ASIC3: variants seen among roughly 807,000 people sequenced by gnomAD.
The protein encoded by ASIC3 is acid sensing ion channel subunit 3.
Under a neutral mutation model 58.6 loss-of-function variants are expected in ASIC3, and 46 were observed. The observed-to-expected ratio is 0.79, with a 90% CI of 0.62 to 1.00. The LOEUF is 1.00. ASIC3 is among the 50% of genes least tolerant of loss of function. The pLI is 0.00. For synonymous variants in ASIC3, 336 were observed against 300.2 expected (o/e 1.12, Z -1.23); for missense variants, 770 against 735.0 (o/e 1.05, Z -0.55).
Position 151,052,146 on chromosome 7 carries a change from C to G in ASIC3, c.1387-20C>G. ...GGGGGAAGGTGTGCACTGGCCACCT[C>G]CCATCCTGCTTGCCTCCAGGTGTTC... On this transcript the variant is annotated intron_variant, in intron 8 of 10. Coordinates refer to ENST00000349064, the MANE Select transcript of ASIC3 (RefSeq NM_004769.4). The surrounding 1 kb of genome is among the most constrained non-coding windows in gnomAD (Gnocchi z 5.0). The G allele has an allele frequency of 6.2e-7, 1 of 1,613,940 alleles. No individual in the cohort carries two copies. Among genetic ancestry groups the G allele is most frequent in the Non-Finnish European group, 8.5e-7 (1 of 1,179,922 alleles).
chr7:151,049,061 A>G lies in ASIC3; in HGVS notation c.176A>G (p.Gln59Arg), dbSNP rs1482508775. The change falls in exon 1 of 11, where the codon CAG becomes CGG. Residue 59 changes from glutamine (Q) to arginine (R), a missense_variant. Physicochemically the swap from Gln to Arg is conservative, Grantham distance 43. Transcript: ENST00000349064. ...CTGTCAGTGGCCACCTTCCTCTACC[A>G]GGTGGCTGAGAGGGTGCGCTACTAC... Reference protein sequence around the residue: ...VVLSVATFLYQVAERVRYYRE... With the variant: ...VVLSVATFLYRVAERVRYYRE... 2 of 1,613,162 alleles carry G rather than the reference A, an allele frequency of 1.2e-6. No homozygotes were observed. Among genetic ancestry groups the G allele is most frequent in the South Asian group, 2.2e-5 (2 of 91,088 alleles).
chr7:151,050,904 A>T lies in ASIC3; in HGVS notation c.960A>T (p.Glu320Asp), dbSNP rs768764308. 1 of 1,613,498 alleles carries T rather than the reference A, an allele frequency of 6.2e-7. No homozygotes were observed. Among genetic ancestry groups the T allele is most frequent in the South Asian group, 1.1e-5 (1 of 91,086 alleles). ...YTLMGCRLACETRYVARKCGC... is the reference protein window; with the variant it reads ...YTLMGCRLACDTRYVARKCGC... ...TTATGGGGTGTCGCCTGGCCTGCGA[A>T]ACCCGCTACGTGGCTCGGAAGTGCG... Residue 320 changes from glutamate (E) to aspartate (D), a missense_variant, in exon 4 of 11, where the codon GAA becomes GAT. Physicochemically the swap from Glu to Asp is conservative, Grantham distance 45. Transcript: ENST00000349064.
rs144198212 is a variant in ASIC3 at position 151,052,641 on chromosome 7, A to T, written c.1585A>T (p.Thr529Ser). ...SASHRTCYLV[T>S]QL ...CTCCCACCGCACCTGCTACCTTGTC[A>T]CACAGCTCTAGACCTGCTGTCTGTG... The change falls in exon 11 of 11, where the codon ACA (threonine) becomes TCA (serine). Residue 529 changes from threonine to serine, a missense_variant. By Grantham distance (58) the Thr-to-Ser change is moderately conservative. Transcript: ENST00000349064. The surrounding 1 kb of genome is among the most constrained non-coding windows in gnomAD (Gnocchi z 5.0). 347 of 1,613,214 alleles carry T rather than the reference A, an allele frequency of 2.2e-4. 1 individual carries two copies. Among genetic ancestry groups the T allele is most frequent in the Non-Finnish European group, 2.8e-4 (334 of 1,179,834 alleles).
chr7:151,049,991 G>A, intron 1 of ASIC3, 115 bp from the exon 2 acceptor site: 1 of 1,386,872 alleles, frequency 7.2e-7, no homozygotes, highest in African/African-American at 1.4e-5. Flanking sequence ...GGGGCATTGA[G>A]ATGCGGGCTT....
chr7:151,050,125 A>G lies in ASIC3; in HGVS notation c.554A>G (p.Lys185Arg), dbSNP rs1474358567. ...NFTTIFTRMG[K>R]CYTFNSGADG... ...CCCCAGATCTTCACCCGGATGGGAA[A>G]GTGCTACACATTTAACTCTGGCGCT... Residue 185 changes from lysine to arginine, a missense_variant, in exon 2 of 11, where the codon AAG becomes AGG. Lys to Arg is a conservative substitution (Grantham distance 26, BLOSUM62 2). Coordinates refer to ENST00000349064, the MANE Select transcript of ASIC3 (RefSeq NM_004769.4). 1 of 1,614,190 alleles carries G rather than the reference A, an allele frequency of 6.2e-7. No homozygotes were observed. Among genetic ancestry groups the G allele is most frequent in the Admixed American group, 1.7e-5 (1 of 60,020 alleles).
rs541056759 is a variant in ASIC3 at position 151,051,510 on chromosome 7, G to A, written c.1214+191G>A. Among the ~76,000 whole-genome samples the A allele has an allele frequency of 2.5e-3, 381 of 151,528 alleles. 2 individuals carry two copies. Among genetic ancestry groups the A allele is most frequent in the Non-Finnish European group, 4.4e-3 (297 of 67,780 alleles). On this transcript the variant is annotated intron_variant, in intron 6 of 10. Coordinates refer to ENST00000349064, the MANE Select transcript of ASIC3 (RefSeq NM_004769.4). ...GGGGGATGCTGACGCCTCCTCCCAG[G>A]GGTCTGTTTTTTTTTCCTTTCCTTT...
chr7:151,050,619 G>T lies in ASIC3; in HGVS notation c.813+11G>T. 6.2e-7 allele frequency: 1 copy of T among 1,613,866 alleles called. No homozygotes were observed. The highest frequency in any genetic ancestry group is 8.5e-7 in the Non-Finnish European group (1 of 1,179,874). On this transcript the variant is annotated intron_variant, in intron 3 of 10. Transcript: ENST00000349064. ...TGCCAGCAGCAGCAGGTACCCTTCC[G>T]TGTGCCTCCACACCTACTACTTCAA...
Position 151,051,795 on chromosome 7 carries a change from C to T in ASIC3, c.1215-15C>T, listed in dbSNP as rs759343965. The T allele has an allele frequency of 1.6e-5, 25 of 1,612,004 alleles. No homozygotes were observed. In the African/African-American group the frequency reaches 3.3e-4, roughly 22 times the overall value. On this transcript the variant is annotated splice_polypyrimidine_tract_variant and intron_variant, in intron 6 of 10. Coordinates refer to ENST00000349064, the MANE Select transcript of ASIC3 (RefSeq NM_004769.4). ...GCGGTGGCCAGCCCACATTTGAGGCCATTCTTGTCCTCAGGGAGAACGTGC... is the reference window on the plus strand; with the variant it reads ...GCGGTGGCCAGCCCACATTTGAGGCTATTCTTGTCCTCAGGGAGAACGTGC...
intron 1 of ASIC3, 161 bp from the exon 2 acceptor site, chr7:151,049,945 C>A (rs765733024): frequency 1.1e-6 from 1 of 884,318 alleles, no homozygotes; most frequent in Non-Finnish European, 1.7e-6. Flanking sequence ...CTCCCAAGAG[C>A]GTCCTGCAAC....
In ASIC3 at chr7:151,052,649, C is replaced by G; in HGVS notation, c.1593C>G (p.Leu531=). 6.2e-7 allele frequency: 1 copy of G among 1,614,168 alleles called. No individual in the cohort carries two copies. ...GCACCTGCTACCTTGTCACACAGCTCTAGACCTGCTGTCTGTGTCCTCGGA... is the reference window on the plus strand; with the variant it reads ...GCACCTGCTACCTTGTCACACAGCTGTAGACCTGCTGTCTGTGTCCTCGGA... ...SHRTCYLVTQ[L] The change falls in exon 11 of 11, where the codon CTC becomes CTG. Residue 531 remains leucine (L), a synonymous_variant. Coordinates refer to ENST00000349064, the MANE Select transcript of ASIC3 (RefSeq NM_004769.4). This position sits in a 1 kb window ranked among gnomAD's most constrained non-coding sequence, Gnocchi z 5.0.
intron 7 of ASIC3, 27 bp downstream of exon 7, chr7:151,051,928 G>GT: frequency 6.2e-7 from 1 of 1,613,704 alleles, no homozygotes; most frequent in Non-Finnish European, 8.5e-7. Context: ...CCCAGGGCTG[G>GT]GGGGGTGTGG....
intron 1 of ASIC3, among the ~76,000 whole-genome samples, 161 bp downstream of exon 1, chr7:151,049,580 A>T (rs915013478): frequency 3.1e-4 from 47 of 152,200 alleles, no homozygotes; most frequent in African/African-American, 1.1e-3. Context: ...CACTCCGTGC[A>T]GCCCAGGAAG....
Position 151,051,151 on chromosome 7 carries a change from A to T in ASIC3, c.1067-21A>T, listed in dbSNP as rs759091268. 7.5e-6 allele frequency: 12 copies of T among 1,597,124 alleles called. No individual in the cohort carries two copies. In the East Asian group the frequency reaches 2.7e-4, roughly 36 times the overall value. ...GCCCCGCTCCGCCCGCGGGCGTCTG[A>T]CGCGGCCCGGTGGCCCGCAGATGCC... On this transcript the variant is annotated intron_variant, in intron 5 of 10. Coordinates refer to ENST00000349064, the MANE Select transcript of ASIC3 (RefSeq NM_004769.4).
intron 6 of ASIC3, among the ~76,000 whole-genome samples, 159 bp from the exon 7 acceptor site, chr7:151,051,651 C>T (rs1298986523): frequency 1.3e-5 from 2 of 152,034 alleles, no homozygotes; most frequent in Non-Finnish European, 2.9e-5. Context: ...AAGATCCTCC[C>T]TCCTCATCCT....
chr7:151,048,554 A>C lies in ASIC3; in HGVS notation c.-332A>C. The C allele has an allele frequency of 3.2e-6, 1 of 314,092 alleles. No homozygotes were observed. The highest frequency in any genetic ancestry group is 5.8e-6 in the Non-Finnish European group (1 of 171,560). 19.5% of individuals were successfully genotyped at this position (314,092 alleles called of 1,614,324 possible). ...TCCTCTGCAGCAGCGCCGGCTCAGC[A>C]CCGCCGGCTCAGCACCGCTCCGCAG... On this transcript the variant is annotated 5_prime_UTR_variant, in exon 1 of 11. Transcript: ENST00000349064.
rs369604091 is a variant in ASIC3 at position 151,050,475 on chromosome 7, C to T, written c.686-6C>T. On this transcript the variant is annotated splice_polypyrimidine_tract_variant and splice_region_variant and intron_variant, in intron 2 of 10. Coordinates refer to ENST00000349064, the MANE Select transcript of ASIC3 (RefSeq NM_004769.4). ...AGGTCAGGCCTCACAGGTCCCTCCC[C>T]GACAGAGGAGACCCCGTTTGAGGTG... is the stretch of plus-strand genomic sequence containing the variant. The T allele has an allele frequency of 2.6e-5, 42 of 1,613,172 alleles. No homozygotes were observed. The highest frequency in any genetic ancestry group is 1.6e-4 in the East Asian group (7 of 44,874).
Position 151,050,901 on chromosome 7 carries a change from C to T in ASIC3, c.957C>T (p.Cys319=), listed in dbSNP as rs1259862304. The change falls in exon 4 of 11, where the codon TGC becomes TGT. Residue 319 remains cysteine, a synonymous_variant. Transcript: ENST00000349064. ...PYTLMGCRLA[C]ETRYVARKCG... ...CCCTTATGGGGTGTCGCCTGGCCTGCGAAACCCGCTACGTGGCTCGGAAGT... is the reference window on the plus strand; with the variant it reads ...CCCTTATGGGGTGTCGCCTGGCCTGTGAAACCCGCTACGTGGCTCGGAAGT... 4.3e-6 allele frequency: 7 copies of T among 1,613,366 alleles called. No homozygotes were observed. The highest frequency in any genetic ancestry group is 3.3e-5 in the Admixed American group (2 of 59,996).
chr7:151,048,928 T>C lies in ASIC3; in HGVS notation c.43T>C (p.Ser15Pro). Residue 15 changes from serine (S) to proline (P), a missense_variant, in exon 1 of 11, where the codon TCG becomes CCG. Coordinates refer to ENST00000349064, the MANE Select transcript of ASIC3 (RefSeq NM_004769.4). ...SGPEEARRPA[S>P]DIRVFASNCS... ...CCCAGAGGAGGCCCGGCGGCCAGCC[T>C]CGGACATCCGCGTGTTCGCCAGCAA... is the stretch of plus-strand genomic sequence containing the variant. 6.4e-7 allele frequency: 1 copy of C among 1,570,108 alleles called. No homozygotes were observed. Among genetic ancestry groups the C allele is most frequent in the Non-Finnish European group, 8.7e-7 (1 of 1,154,292 alleles).
chr7:151,052,545 C>G lies in ASIC3; in HGVS notation c.1518-29C>G. 1 of 1,613,646 alleles carries G rather than the reference C, an allele frequency of 6.2e-7. No homozygotes were observed. The highest frequency in any genetic ancestry group is 1.1e-5 in the South Asian group (1 of 91,020). ...CTCAGGACAGTGGGTGTGCCCGTTC[C>G]CACCCCAGCACTCTGCTCTGTTCCG... is the stretch of plus-strand genomic sequence containing the variant. On this transcript the variant is annotated intron_variant, in intron 10 of 10. Coordinates refer to ENST00000349064, the MANE Select transcript of ASIC3 (RefSeq NM_004769.4). This position sits in a 1 kb window ranked among gnomAD's most constrained non-coding sequence, Gnocchi z 5.0.
Sources: allele counts gnomAD v4.1 joint callset (sites outside exome capture counted in the v4.1 genomes callset), GRCh38; gene constraint gnomAD v4.1.1; non-coding constraint Gnocchi (gnomAD v3.1); transcripts MANE v1.5; gene names NCBI Gene and HGNC (gene_info 2026-07-23, HGNC 2026-07-21).